TCF12: variants seen among roughly 807,000 people sequenced by gnomAD.
TCF12 encodes DNA-binding protein HTF4.
A neutral mutation model predicts 86.0 loss-of-function variants in TCF12; 45 were observed. That is an observed-to-expected ratio of 0.52 (90% CI 0.41 to 0.67). The LOEUF (loss-of-function observed/expected upper bound fraction) is 0.67, where lower values mean the gene tolerates loss of function less well. Ranked by LOEUF, TCF12 falls within the 30% of genes least tolerant of loss-of-function variation. The pLI is 0.00. For synonymous variants in TCF12, 330 were observed against 299.6 expected, an observed-to-expected ratio of 1.10 and a Z score of -1.05; for missense variants, 881 against 859.9, an observed-to-expected ratio of 1.02 and a Z score of -0.31.
chr15:57,259,529 ACAAGTC>A (rs1411622277), intron 16 of TCF12, among the ~76,000 whole-genome samples: 1 of 152,230 alleles, frequency 6.6e-6, no homozygotes, highest in African/African-American at 2.4e-5. Context: ...TTAAATGAAA[ACAAGTC>A]CCTTGTTGGG....
chr15:57,219,731 T>TC, intron 8 of TCF12: 1 of 789,512 alleles, frequency 1.3e-6, no homozygotes, highest in Non-Finnish European at 1.8e-6. Flanking sequence ...TTTTTTTTTT[T>TC]TTTTTTTGCG....
chr15:57,167,133 C>T (rs1172592793), intron 6 of TCF12, among the ~76,000 whole-genome samples: 2 of 152,230 alleles, frequency 1.3e-5, no homozygotes, highest in Non-Finnish European at 2.9e-5. Flanking sequence ...ACCCTAATTT[C>T]AGGCATGGGC....
intron 5 of TCF12, among the ~76,000 whole-genome samples, chr15:57,101,397 G>C (rs1445291770): frequency 6.6e-6 from 1 of 152,106 alleles, no homozygotes; most frequent in Admixed American, 6.6e-5. Context: ...TCTTTGTAGA[G>C]ACACAGTCTT....
intron 5 of TCF12, among the ~76,000 whole-genome samples, chr15:57,132,291 G>A (rs2052187038): frequency 6.6e-6 from 1 of 152,172 alleles, no homozygotes; most frequent in Non-Finnish European, 1.5e-5. Context: ...TGTAGAATAT[G>A]TAATCACTAT....
chr15:57,129,888 G>A (rs977888478), intron 5 of TCF12: 13 of 152,134 alleles, frequency 8.5e-5, no homozygotes, highest in African/African-American at 3.1e-4. Context: ...GCAGATTTTT[G>A]TATTCGTGCT....
At chr15:56,995,230 G>GTTT (rs1440501811) in intron 3 of TCF12, among the ~76,000 whole-genome samples, 12 of 13,700 alleles carry the variant, frequency 8.8e-4, no homozygotes, top group East Asian at 2.3e-3. Flanking sequence ...GATACCTGCA[G>GTTT]CTTTTTTTTT....
chr15:57,087,317 T>C (rs955687827), intron 4 of TCF12, among the ~76,000 whole-genome samples: 1 of 149,958 alleles, frequency 6.7e-6, no homozygotes, highest in Admixed American at 6.7e-5. Flanking sequence ...GAGGCTGAAG[T>C]GGGAGGATTG....
chr15:57,192,941 A>G (rs1219750975), intron 7 of TCF12, among the ~76,000 whole-genome samples: 2 of 152,224 alleles, frequency 1.3e-5, no homozygotes, highest in African/African-American at 4.8e-5. Flanking sequence ...TGGTCCTCAC[A>G]TGAGCAACTA....
At chr15:56,934,354 G>A (rs965988051) in intron 3 of TCF12, among the ~76,000 whole-genome samples, 3 of 152,158 alleles carry the variant, frequency 2.0e-5, no homozygotes, top group South Asian at 4.1e-4. Flanking sequence ...GAGTTAAAAA[G>A]TTCAGATACA....
intron 3 of TCF12, among the ~76,000 whole-genome samples, chr15:57,061,679 A>G (rs1284006349): frequency 6.6e-6 from 1 of 152,230 alleles, no homozygotes; most frequent in African/African-American, 2.4e-5. Flanking sequence ...ATGAAGTCAT[A>G]AAAAGACTAA....
chr15:57,257,679 G>GTATATATATA (rs55834033), intron 16 of TCF12, among the ~76,000 whole-genome samples: 75 of 140,370 alleles, frequency 5.3e-4, no homozygotes, highest in African/African-American at 1.0e-3. Context: ...AAAAAAAAGT[G>GTATATATATA]TATATATATA....
chr15:57,099,035 G>A (rs939043226), intron 5 of TCF12, among the ~76,000 whole-genome samples: 1 of 152,088 alleles, frequency 6.6e-6, no homozygotes, highest in Admixed American at 6.5e-5. Flanking sequence ...TGTTCTTCAT[G>A]GTTGCTATAT....
chr15:57,286,636 C>T lies in TCF12; in HGVS notation c.*491C>T, dbSNP rs1212174569. 4 of 456,620 alleles carry T rather than the reference C, an allele frequency of 8.8e-6. No individual in the cohort carries two copies. The highest frequency in any genetic ancestry group is 2.3e-5 in the Admixed American group (1 of 42,564). 28.3% of individuals were successfully genotyped at this position (456,620 alleles called of 1,614,324 possible). ...TCACGTGCAGAGAACAAAGCAGTGA[C>T]AACCATTGGCCCTTAGCATTCCCGG... On this transcript the variant is annotated 3_prime_UTR_variant, in exon 21 of 21. Coordinates refer to ENST00000333725, the MANE Select transcript of TCF12 (RefSeq NM_207037.2).
intron 3 of TCF12, among the ~76,000 whole-genome samples, chr15:57,026,639 T>A (rs552885948): frequency 1.2e-3 from 179 of 152,344 alleles, no homozygotes; most frequent in Middle Eastern, 3.4e-3. Context: ...TATTTTTTAG[T>A]TTCATTGTAT....
chr15:57,130,297 G>A (rs753287713), intron 5 of TCF12, among the ~76,000 whole-genome samples: 1 of 152,086 alleles, frequency 6.6e-6, no homozygotes, highest in Non-Finnish European at 1.5e-5. Context: ...GTTTTTATAT[G>A]TAGTTTATAG....
chr15:57,163,847 G>T (rs1206291463), intron 5 of TCF12, among the ~76,000 whole-genome samples: 1 of 152,178 alleles, frequency 6.6e-6, no homozygotes, highest in Admixed American at 6.6e-5. Flanking sequence ...CAAGAAGATG[G>T]CAGAGACTGA....
chr15:57,112,336 A>T (rs1460677299), intron 5 of TCF12, among the ~76,000 whole-genome samples: 1 of 152,190 alleles, frequency 6.6e-6, no homozygotes, highest in African/African-American at 2.4e-5. Context: ...CAGTTTTTTC[A>T]GGGACAGGCC....
At chr15:57,117,513 T>TGACAA (rs2050925243) in intron 5 of TCF12, among the ~76,000 whole-genome samples, 1 of 152,220 alleles carries the variant, frequency 6.6e-6, no homozygotes, top group Non-Finnish European at 1.5e-5. Context: ...TACTGTGGAT[T>TGACAA]AGAGTTACTT....
At chr15:56,942,920 A>G (rs1410496427) in intron 3 of TCF12, among the ~76,000 whole-genome samples, 1 of 152,290 alleles carries the variant, frequency 6.6e-6, no homozygotes, top group African/African-American at 2.4e-5. Context: ...TGTCAAATTT[A>G]AAAAATTTGA....
Sources: allele counts gnomAD v4.1 joint callset (sites outside exome capture counted in the v4.1 genomes callset), GRCh38; gene constraint gnomAD v4.1.1; transcripts MANE v1.5; gene names NCBI Gene and HGNC (gene_info 2026-07-23, HGNC 2026-07-21).